Variants in NPAS3 observed in about 807,000 individuals in gnomAD.
NPAS3 encodes the protein neuronal PAS domain-containing protein 3.
NPAS3 carries 14 observed loss-of-function variants against 73.1 expected under a neutral mutation model. The ratio of observed to expected loss-of-function variants is 0.19; its 90% CI spans 0.13 to 0.30. The LOEUF (loss-of-function observed/expected upper bound fraction) is 0.30, where lower values mean the gene tolerates loss of function less well. NPAS3 is among the 10% of genes least tolerant of loss of function. NPAS3 has a pLI of 1.00. For synonymous variants in NPAS3, 620 were observed against 541.5 expected, an observed-to-expected ratio of 1.14 and a Z score of -2.01; for missense variants, 1,096 against 1,250.0, an observed-to-expected ratio of 0.88 and a Z score of 1.86.
In NPAS3 at chr14:33,087,397, A is replaced by T. The variant is rs1447855402; in HGVS notation, c.140+31403A>T. ...GATACAGGATATTTGTTTTCTGATG[A>T]TGTGATTATTACCAAGTAGGGAACA... On this transcript the variant is annotated intron_variant, in intron 2 of 11. Coordinates refer to ENST00000356141, the Ensembl canonical transcript of NPAS3. Among the ~76,000 whole-genome samples the T allele has an allele frequency of 3.3e-5, 5 of 151,928 alleles. No homozygotes were observed. The East Asian group carries it at 7.7e-4, about 24-fold the overall frequency.
chr14:33,538,068 G>C lies in NPAS3; in HGVS notation c.469-22053G>C, dbSNP rs570859754. 2.0e-5 allele frequency among the ~76,000 whole-genome samples: 3 copies of C among 151,802 alleles called. No individual in the cohort carries two copies. In the South Asian group the frequency reaches 6.2e-4, roughly 32 times the overall value. Reference sequence around the variant, plus strand: ...TGCAGACCACTTTACATTGGAACACGAATTAATGAATATATGAGTCCCTTT... The same window carrying C: ...TGCAGACCACTTTACATTGGAACACCAATTAATGAATATATGAGTCCCTTT... On this transcript the variant is annotated intron_variant, in intron 4 of 11. Transcript: ENST00000356141.
chr14:33,407,634 A>C (rs2047726200), intron 4 of NPAS3, among the ~76,000 whole-genome samples: 2 of 152,108 alleles, frequency 1.3e-5, no homozygotes, highest in South Asian at 4.1e-4. Context: ...CAGATTGATA[A>C]ATTACTGCTT....
At chr14:33,746,199 A>ATTTATTTTTTTT (rs571026434) in intron 7 of NPAS3, among the ~76,000 whole-genome samples, 27 of 149,018 alleles carry the variant, frequency 1.8e-4, no homozygotes, top group African/African-American at 6.6e-4. Context: ...TTATTTATTT[A>ATTTATTTTTTTT]TTTTTTTGAG....
At chr14:33,194,162 T>C (rs1329422997) in intron 2 of NPAS3, among the ~76,000 whole-genome samples, 1 of 152,220 alleles carries the variant, frequency 6.6e-6, no homozygotes, top group Non-Finnish European at 1.5e-5. Context: ...CTGTAGTTAG[T>C]GTAAAATTGT....
At chr14:33,491,531 A>G (rs1477844681) in intron 4 of NPAS3, among the ~76,000 whole-genome samples, 1 of 152,126 alleles carries the variant, frequency 6.6e-6, no homozygotes, top group South Asian at 2.1e-4. Flanking sequence ...TGAGGAGCTG[A>G]ATTTTAGATG....
At chr14:33,480,040 T>C (rs10483447) in intron 4 of NPAS3, among the ~76,000 whole-genome samples, 44,256 of 152,068 alleles carry the variant, frequency 0.29, 10,737 homozygotes, top group African/African-American at 0.67. Flanking sequence ...AACTCAACCT[T>C]TTGGATAGTA....
chr14:32,942,626 A>T (rs756555640), intron 1 of NPAS3, among the ~76,000 whole-genome samples: 11 of 152,226 alleles, frequency 7.2e-5, no homozygotes, highest in Non-Finnish European at 1.6e-4. Flanking sequence ...CAAGCATGTG[A>T]TATGCCCATG....
intron 2 of NPAS3, among the ~76,000 whole-genome samples, chr14:33,091,909 C>T (rs1031516008): frequency 5.9e-5 from 9 of 152,130 alleles, no homozygotes; most frequent in African/African-American, 2.2e-4. Flanking sequence ...AGGCCTTTGA[C>T]AAAATTCAGC....
intron 7 of NPAS3, among the ~76,000 whole-genome samples, chr14:33,754,165 A>G (rs956035244): frequency 2.6e-5 from 4 of 152,192 alleles, no homozygotes; most frequent in African/African-American, 9.7e-5. Context: ...TTACAGACAG[A>G]CAGTGATCTG....
At chr14:33,198,673 T>C (rs1400275923) in intron 2 of NPAS3, among the ~76,000 whole-genome samples, 1 of 152,198 alleles carries the variant, frequency 6.6e-6, no homozygotes, top group East Asian at 1.9e-4. Context: ...CCCAGCTGGT[T>C]TCCCCTAGTG....
upstream of NPAS3, among the ~76,000 whole-genome samples, chr14:32,938,298 A>C (rs2035766768): frequency 6.6e-6 from 1 of 151,882 alleles, no homozygotes; most frequent in Admixed American, 6.5e-5. Context: ...AGCTCCCGGG[A>C]CTGTGTCCTG....
upstream of NPAS3, among the ~76,000 whole-genome samples, chr14:32,938,089 G>A (rs984546203): frequency 1.3e-5 from 2 of 152,190 alleles, no homozygotes; most frequent in African/African-American, 4.8e-5. Flanking sequence ...TTAAACGCGC[G>A]GGGATTCACC....
chr14:33,491,683 G>A lies in NPAS3; in HGVS notation c.469-68438G>A, dbSNP rs116060251. Among the ~76,000 whole-genome samples, 1,407 of 152,164 alleles carry A rather than the reference G, an allele frequency of 9.2e-3. 25 individuals are homozygous for A. The highest frequency in any genetic ancestry group is 0.032 in the African/African-American group (1,344 of 41,530). On this transcript the variant is annotated intron_variant, in intron 4 of 11. Transcript: ENST00000356141. Reference sequence around the variant, plus strand: ...TCACCTTCAGAGGATAAAATATTTTGTATTAGAAAGTACAGTAATATGTTA... The same window carrying A: ...TCACCTTCAGAGGATAAAATATTTTATATTAGAAAGTACAGTAATATGTTA...
intron 6 of NPAS3, among the ~76,000 whole-genome samples, chr14:33,733,190 G>C (rs2061441151): frequency 6.6e-6 from 1 of 152,050 alleles, no homozygotes; most frequent in Admixed American, 6.6e-5. Context: ...AAGTCTCTGA[G>C]GACCAGTGCC....
Position 33,769,756 on chromosome 14 carries a change from C to CTTTTTT in NPAS3, c.853-4560_853-4555dup, listed in dbSNP as rs916953785. Reference sequence around the variant, plus strand: ...CCTGAAAGACTTGGATTTTTTTTTTCTTTTTTTTTTTTTTTTTTTTTTTTT... The same window carrying CTTTTTT: ...CCTGAAAGACTTGGATTTTTTTTTTCTTTTTTTTTTTTTTTTTTTTTTTTTTTTTTT... On this transcript the variant is annotated intron_variant, in intron 7 of 11. Transcript: ENST00000356141. 2.3e-3 allele frequency among the ~76,000 whole-genome samples: 192 copies of CTTTTTT among 81,866 alleles called. 20 individuals carry two copies. Among genetic ancestry groups the CTTTTTT allele is most frequent in the East Asian group, 4.0e-3 (10 of 2,500 alleles). 53.7% of individuals were successfully genotyped at this position (81,866 alleles called of 152,430 possible). A position where few individuals can be genotyped will look rare whatever the true frequency, so the allele number is the denominator to read the frequency against.
chr14:33,530,663 CCTA>C (rs918921428), intron 4 of NPAS3, among the ~76,000 whole-genome samples: 1 of 152,080 alleles, frequency 6.6e-6, no homozygotes, highest in African/African-American at 2.4e-5. Flanking sequence ...AGCTCTTTCT[CCTA>C]CTTGACGTTT....
intron 4 of NPAS3, among the ~76,000 whole-genome samples, chr14:33,496,852 C>A (rs1055618256): frequency 2.0e-5 from 3 of 152,072 alleles, no homozygotes; most frequent in African/African-American, 7.2e-5. Context: ...CTGGCCAGGG[C>A]AGTCAGGCAA....
chr14:33,785,434 C>CAAAAAAAAA (rs1223437695), intron 9 of NPAS3, among the ~76,000 whole-genome samples: 2 of 75,396 alleles, frequency 2.7e-5, no homozygotes, highest in Non-Finnish European at 5.5e-5. Flanking sequence ...GACTCCATCT[C>CAAAAAAAAA]AAAAAAAAAA....
intron 4 of NPAS3, among the ~76,000 whole-genome samples, chr14:33,508,200 A>C (rs1424554789): frequency 6.6e-6 from 1 of 152,074 alleles, no homozygotes; most frequent in Non-Finnish European, 1.5e-5. Flanking sequence ...GCAGAATAAA[A>C]TTTACAAGCA....
Sources: gnomAD v4.1 joint callset for allele counts (sites outside exome capture counted in the v4.1 genomes callset) on GRCh38, gnomAD v4.1.1 for gene constraint, MANE v1.5 for transcripts, NCBI Gene and HGNC (gene_info 2026-07-23, HGNC 2026-07-21) for gene names.